The following RGPD2 variants were observed in gnomAD, a reference collection of about 807,000 sequenced individuals.
RGPD2 encodes the protein RANBP2-like and GRIP domain-containing protein 2.
A neutral mutation model predicts 36.0 loss-of-function variants in RGPD2; 2 were observed. That is an observed-to-expected ratio of 0.06 (90% confidence interval 0.02 to 0.17). The LOEUF is 0.17. Ranked by LOEUF, RGPD2 falls within the 10% of genes least tolerant of loss-of-function variation. RGPD2 has a pLI of 1.00. For missense variants in RGPD2, 40 were observed against 464.3 expected (o/e 0.09, Z 8.40); for synonymous variants, 19 against 163.8 (o/e 0.12, Z 6.75).
the RGPD2 span, among the ~76,000 whole-genome samples, chr2:87,974,028 A>C: frequency 1.3e-5 from 2 of 152,112 alleles, no homozygotes; most frequent in Non-Finnish European, 2.9e-5. Flanking sequence ...TGTGTTTCAC[A>C]ACTCCGGGGG....
chr2:87,984,963 C>A, the RGPD2 span, among the ~76,000 whole-genome samples: 5 of 142,064 alleles, frequency 3.5e-5, no homozygotes, highest in Non-Finnish European at 6.1e-5. Context: ...ATTTGGTGTG[C>A]AAGGCTAAAA....
the RGPD2 span, among the ~76,000 whole-genome samples, chr2:87,932,777 G>T: frequency 6.6e-6 from 1 of 151,650 alleles, no homozygotes; most frequent in Non-Finnish European, 1.5e-5. Context: ...GAATTTTAGC[G>T]CCCGATTCCT....
the RGPD2 span, among the ~76,000 whole-genome samples, chr2:87,917,158 C>T: frequency 6.6e-6 from 1 of 151,714 alleles, no homozygotes; most frequent in Non-Finnish European, 1.5e-5. Context: ...GGAGTCCAGT[C>T]CAGCTGGAGC....
At chr2:87,905,135 T>TC in the RGPD2 span, among the ~76,000 whole-genome samples, 1 of 152,106 alleles carries the variant, frequency 6.6e-6, no homozygotes, top group Non-Finnish European at 1.5e-5. Flanking sequence ...GATCTCACAG[T>TC]CATAGGCCAT....
upstream of RGPD2, among the ~76,000 whole-genome samples, chr2:87,827,257 C>G (rs1215195167): frequency 6.6e-6 from 1 of 152,246 alleles, no homozygotes; most frequent in Non-Finnish European, 1.5e-5. Context: ...TTATATTCCT[C>G]TACCCCTTGA....
chr2:87,881,327 A>G, the RGPD2 span, among the ~76,000 whole-genome samples: 4 of 152,258 alleles, frequency 2.6e-5, no homozygotes, highest in Non-Finnish European at 5.9e-5. Context: ...CTCAGTGGGT[A>G]CACTGTGTGG....
the RGPD2 span, among the ~76,000 whole-genome samples, chr2:87,847,521 A>T: frequency 6.9e-6 from 1 of 143,912 alleles, no homozygotes; most frequent in African/African-American, 2.6e-5. Context: ...TTTTTTTGAG[A>T]CGAAGTCTCA....
At chr2:87,964,817 T>TTA in the RGPD2 span, among the ~76,000 whole-genome samples, 28 of 79,230 alleles carry the variant, frequency 3.5e-4, no homozygotes, top group African/African-American at 6.7e-4. Context: ...ATTTATTTAT[T>TTA]TTTCTTTTTG....
At chr2:87,961,379 G>A in the RGPD2 span, among the ~76,000 whole-genome samples, 1 of 151,784 alleles carries the variant, frequency 6.6e-6, no homozygotes, top group Admixed American at 6.6e-5. Flanking sequence ...GCACTCGGCC[G>A]GGCTCTTGGC....
the RGPD2 span, among the ~76,000 whole-genome samples, chr2:87,852,702 G>A: frequency 1.3e-5 from 2 of 152,254 alleles, no homozygotes; most frequent in Non-Finnish European, 2.9e-5. Context: ...TTTCTACTGC[G>A]CAGAATGTTC....
At chr2:87,973,036 C>G in the RGPD2 span, 5,168 of 1,591,280 alleles carry the variant, frequency 3.2e-3, 82 homozygotes, top group African/African-American at 0.061. Context: ...CCCCAGCCTA[C>G]GAGGATGTGG....
chr2:87,813,946 T>C (rs1366224180), intron 4 of RGPD2, among the ~76,000 whole-genome samples: 1 of 150,654 alleles, frequency 6.6e-6, no homozygotes, highest in Admixed American at 6.6e-5. Flanking sequence ...TTAAAGAAAA[T>C]CTTTAAAGAG....
chr2:87,952,470 A>G, the RGPD2 span, among the ~76,000 whole-genome samples: 1 of 152,192 alleles, frequency 6.6e-6, no homozygotes, highest in African/African-American at 2.4e-5. Context: ...AGAAACATAA[A>G]TGTTTGTTTA....
the RGPD2 span, among the ~76,000 whole-genome samples, chr2:87,873,347 G>C: frequency 6.9e-6 from 1 of 144,146 alleles, no homozygotes; most frequent in Admixed American, 6.9e-5. Flanking sequence ...ATATTCCCTT[G>C]GGTATATACT....
At chr2:87,948,076 C>G in the RGPD2 span, among the ~76,000 whole-genome samples, 1 of 152,212 alleles carries the variant, frequency 6.6e-6, no homozygotes, top group Non-Finnish European at 1.5e-5. Context: ...GAACCTTAAG[C>G]GTTACATTAG....
the RGPD2 span, chr2:87,968,708 G>T: frequency 4.3e-6 from 1 of 234,880 alleles, no homozygotes; most frequent in East Asian, 1.4e-4. Flanking sequence ...CAAGCCAAGT[G>T]ATTGACCATT....
the RGPD2 span, among the ~76,000 whole-genome samples, chr2:87,836,807 C>A: frequency 6.6e-6 from 1 of 152,038 alleles, no homozygotes; most frequent in Non-Finnish European, 1.5e-5. Flanking sequence ...GTAAAGCAGC[C>A]AAACATAACT....
chr2:87,834,114 C>G, the RGPD2 span, among the ~76,000 whole-genome samples: 12 of 123,194 alleles, frequency 9.7e-5, no homozygotes, highest in African/African-American at 3.7e-4. Flanking sequence ...GATTTTTTAC[C>G]TGGAATTTAA....
chr2:87,905,053 C>A, the RGPD2 span, among the ~76,000 whole-genome samples: 6 of 152,102 alleles, frequency 3.9e-5, no homozygotes, highest in African/African-American at 9.7e-5. Context: ...TTTTACCAGA[C>A]CCCTAAGGGT....
Sources: allele counts gnomAD v4.1 joint callset (sites outside exome capture counted in the v4.1 genomes callset), GRCh38; gene constraint gnomAD v4.1.1; transcripts MANE v1.5; gene names NCBI Gene and HGNC (gene_info 2026-07-23, HGNC 2026-07-21).